Variants in CDH13 observed in about 807,000 individuals in gnomAD.
The protein encoded by CDH13 is cadherin-13.
Under a neutral mutation model 63.8 loss-of-function variants are expected in CDH13, and 24 were observed. The observed-to-expected ratio is 0.38, with a 90% CI of 0.27 to 0.53. The LOEUF is 0.53. CDH13 is among the 20% of genes least tolerant of loss of function. The pLI, the probability that CDH13 is intolerant of heterozygous loss-of-function variation, is 0.85. For synonymous variants in CDH13, 503 were observed against 355.3 expected (o/e 1.42, Z -4.67); for missense variants, 1,049 against 903.1 (o/e 1.16, Z -2.07).
rs112289449 is a variant in CDH13 at position 83,257,499 on chromosome 16, A to C, written c.636+40002A>C. Among the ~76,000 whole-genome samples, 191 of 152,278 alleles carry C rather than the reference A, an allele frequency of 1.3e-3. 3 individuals carry two copies. The highest frequency in any genetic ancestry group is 4.4e-3 in the African/African-American group (182 of 41,554). On this transcript the variant is annotated intron_variant, in intron 5 of 13. Transcript: ENST00000567109. ...CCTGATGGTAGGTCCATGATGTAGA[A>C]AGTTTACAAAAGAAAATGTCTCAGG...
intron 3 of CDH13, among the ~76,000 whole-genome samples, chr16:83,101,777 G>A (rs2034490734): frequency 6.6e-6 from 1 of 152,172 alleles, no homozygotes; most frequent in Admixed American, 6.5e-5. Context: ...CTGGGAGAGA[G>A]AGTGAGATTT....
At chr16:83,111,496 C>T (rs1264208764) in intron 3 of CDH13, among the ~76,000 whole-genome samples, 2 of 152,146 alleles carry the variant, frequency 1.3e-5, no homozygotes, top group Non-Finnish European at 2.9e-5. Flanking sequence ...ATTTGCAAGT[C>T]GATCATGAGG....
At chr16:82,640,755 C>G (rs929505101) in intron 1 of CDH13, among the ~76,000 whole-genome samples, 3 of 152,132 alleles carry the variant, frequency 2.0e-5, no homozygotes, top group African/African-American at 7.2e-5. Context: ...TCACATATCA[C>G]TAGATTATTT....
At chr16:83,681,373 C>G (rs1017105639) in intron 10 of CDH13, among the ~76,000 whole-genome samples, 1 of 152,154 alleles carries the variant, frequency 6.6e-6, no homozygotes, top group Non-Finnish European at 1.5e-5. Flanking sequence ...ATGGCAGGAC[C>G]AATCCCTTTC....
chr16:83,644,702 G>A (rs1373126468), intron 8 of CDH13, among the ~76,000 whole-genome samples: 2 of 152,196 alleles, frequency 1.3e-5, no homozygotes, highest in Non-Finnish European at 1.5e-5. Context: ...GTACTCAAGC[G>A]CAGAGCAGAG....
intron 8 of CDH13, among the ~76,000 whole-genome samples, chr16:83,653,475 C>G (rs1912579145): frequency 6.7e-6 from 1 of 150,224 alleles, no homozygotes; most frequent in South Asian, 2.1e-4. Context: ...GCTCAGAAAT[C>G]AAACCAGATT....
intron 3 of CDH13, among the ~76,000 whole-genome samples, chr16:83,088,541 G>C (rs903505398): frequency 6.6e-6 from 1 of 152,172 alleles, no homozygotes; most frequent in South Asian, 2.1e-4. Context: ...TTCTGATACA[G>C]CCTTGGGCAA....
chr16:83,031,487 C>CACGTAT (rs1407507546), intron 2 of CDH13, among the ~76,000 whole-genome samples: 1 of 135,302 alleles, frequency 7.4e-6, no homozygotes, highest in Non-Finnish European at 1.6e-5. Context: ...TGTATATGCA[C>CACGTAT]ATCGTTAATT....
intron 5 of CDH13, among the ~76,000 whole-genome samples, chr16:83,338,392 A>G (rs748104574): frequency 3.0e-4 from 45 of 152,190 alleles, no homozygotes; most frequent in Admixed American, 5.2e-4. Flanking sequence ...AGTCTCTTAA[A>G]GAGGCATAGC....
intron 7 of CDH13, among the ~76,000 whole-genome samples, chr16:83,493,178 A>G (rs1458810001): frequency 6.6e-6 from 1 of 152,228 alleles, no homozygotes; most frequent in Non-Finnish European, 1.5e-5. Context: ...CTTATCTATA[A>G]GCACTCTGTA....
intron 6 of CDH13, among the ~76,000 whole-genome samples, chr16:83,368,883 GTTATATATATATATATAT>G (rs1156379332): frequency 4.7e-4 from 12 of 25,340 alleles, no homozygotes; most frequent in African/African-American, 1.2e-3. Flanking sequence ...AGTATTCCAT[GTTATATATATATATATAT>G]ATATATATAT....
chr16:83,573,513 C>T (rs921157572), intron 7 of CDH13, among the ~76,000 whole-genome samples: 2 of 152,206 alleles, frequency 1.3e-5, no homozygotes, highest in African/African-American at 4.8e-5. Flanking sequence ...CCATAGTAGA[C>T]ATCACTAATC....
intron 2 of CDH13, among the ~76,000 whole-genome samples, chr16:82,984,381 C>A (rs190819058): frequency 1.3e-5 from 2 of 152,154 alleles, no homozygotes; most frequent in African/African-American, 4.8e-5. Context: ...AATGTACCTC[C>A]GAATCTGGCA....
intron 3 of CDH13, among the ~76,000 whole-genome samples, chr16:83,092,732 T>G (rs1418104952): frequency 3.3e-5 from 5 of 152,196 alleles, no homozygotes; most frequent in African/African-American, 1.2e-4. Context: ...TTTTCCCAAA[T>G]ACACCTATTA....
intron 3 of CDH13, among the ~76,000 whole-genome samples, chr16:83,071,730 A>T (rs2032452407): frequency 6.6e-6 from 1 of 152,232 alleles, no homozygotes; most frequent in South Asian, 2.1e-4. Flanking sequence ...AAATTTAACC[A>T]TGTTAAATAT....
intron 4 of CDH13, among the ~76,000 whole-genome samples, chr16:83,137,095 C>T (rs537807418): frequency 2.0e-5 from 3 of 152,324 alleles, no homozygotes; most frequent in East Asian, 1.9e-4. Flanking sequence ...GGGAGCTACG[C>T]TTGAGTGAAG....
chr16:83,741,983 T>C (rs947418450), intron 10 of CDH13, among the ~76,000 whole-genome samples: 13 of 152,226 alleles, frequency 8.5e-5, no homozygotes, highest in Non-Finnish European at 1.8e-4. Flanking sequence ...GGAAAAATTG[T>C]CTTCCACGAA....
intron 1 of CDH13, among the ~76,000 whole-genome samples, chr16:82,731,463 G>T (rs1457786212): frequency 6.6e-6 from 1 of 152,200 alleles, no homozygotes; most frequent in African/African-American, 2.4e-5. Context: ...CTGTTACATT[G>T]TATATTGCCC....
chr16:83,315,292 C>T (rs968221365), intron 5 of CDH13, among the ~76,000 whole-genome samples: 1 of 152,222 alleles, frequency 6.6e-6, no homozygotes, highest in African/African-American at 2.4e-5. Context: ...AATGCTGCTG[C>T]AAGTGGAATT....
Sources: gnomAD v4.1 joint callset for allele counts (sites outside exome capture counted in the v4.1 genomes callset) on GRCh38, gnomAD v4.1.1 for gene constraint, MANE v1.5 for transcripts, NCBI Gene and HGNC (gene_info 2026-07-23, HGNC 2026-07-21) for gene names.